Variants in TLE4 observed in about 807,000 individuals in gnomAD.
TLE4 encodes the protein TLE family member 4, transcriptional corepressor.
A neutral mutation model predicts 92.8 loss-of-function variants in TLE4; 8 were observed. The ratio of observed to expected loss-of-function variants is 0.09; its 90% confidence interval spans 0.05 to 0.16. The LOEUF (loss-of-function observed/expected upper bound fraction) is 0.16. Among genes scored for constraint, TLE4 ranks in the 10% least tolerant of loss-of-function variants. The pLI, the probability that TLE4 is intolerant of heterozygous loss-of-function variation, is 1.00. For synonymous variants in TLE4, 371 were observed against 374.1 expected (o/e 0.99, Z 0.10); for missense variants, 675 against 997.6 (o/e 0.68, Z 4.36).
intron 14 of TLE4, among the ~76,000 whole-genome samples, chr9:79,710,173 A>G (rs1436307763): frequency 6.6e-6 from 1 of 152,204 alleles, no homozygotes; most frequent in Non-Finnish European, 1.5e-5. Flanking sequence ...CTCTGTATTC[A>G]CAGATTCCTT....
intron 4 of TLE4, among the ~76,000 whole-genome samples, chr9:79,611,262 G>A (rs2048311550): frequency 6.6e-6 from 1 of 152,076 alleles, no homozygotes; most frequent in South Asian, 2.1e-4. Flanking sequence ...TGGGGCCAGT[G>A]CAGTAAATTA....
chr9:79,626,805 A>T (rs888428512), intron 5 of TLE4, among the ~76,000 whole-genome samples: 3 of 152,090 alleles, frequency 2.0e-5, no homozygotes, highest in African/African-American at 7.2e-5. Context: ...CTTAAACTTG[A>T]GTTCTATGTT....
chr9:79,665,940 T>C (rs184655707), intron 8 of TLE4, among the ~76,000 whole-genome samples: 1 of 152,366 alleles, frequency 6.6e-6, no homozygotes, highest in Admixed American at 6.5e-5. Context: ...CACGGATTAT[T>C]AGAGACCTTT....
chr9:79,710,400 C>A (rs1442462435), intron 14 of TLE4, among the ~76,000 whole-genome samples: 1 of 152,230 alleles, frequency 6.6e-6, no homozygotes, highest in Non-Finnish European at 1.5e-5. Flanking sequence ...TCTCTCGCTT[C>A]TCCTTTGGGA....
chr9:79,701,954 A>G (rs1193141607), intron 8 of TLE4, among the ~76,000 whole-genome samples: 3 of 152,228 alleles, frequency 2.0e-5, no homozygotes, highest in African/African-American at 7.2e-5. Context: ...ACAAAATGTT[A>G]AGGGAACAAA....
intron 4 of TLE4, among the ~76,000 whole-genome samples, chr9:79,602,298 G>C (rs2045841878): frequency 6.6e-6 from 1 of 152,254 alleles, no homozygotes; most frequent in Non-Finnish European, 1.5e-5. Flanking sequence ...CAGATTTGCA[G>C]TGTGGATAAG....
At chr9:79,693,379 G>A (rs2067490122) in intron 8 of TLE4, among the ~76,000 whole-genome samples, 1 of 152,148 alleles carries the variant, frequency 6.6e-6, no homozygotes, top group Non-Finnish European at 1.5e-5. Context: ...AGTGGAGGAA[G>A]GTCAGTGGGT....
chr9:79,599,641 A>G (rs1171690417), intron 4 of TLE4, among the ~76,000 whole-genome samples: 1 of 152,260 alleles, frequency 6.6e-6, no homozygotes, highest in Admixed American at 6.5e-5. Flanking sequence ...AAAGGCTCTA[A>G]GATACCCAAC....
At chr9:79,676,807 G>A (rs12342156) in intron 8 of TLE4, among the ~76,000 whole-genome samples, 3,151 of 152,114 alleles carry the variant, frequency 0.021, 124 homozygotes, top group African/African-American at 0.072. Context: ...ATATTTAATA[G>A]CAGAGCTTTA....
chr9:79,694,119 G>A (rs573506751), intron 8 of TLE4, among the ~76,000 whole-genome samples: 2 of 152,278 alleles, frequency 1.3e-5, no homozygotes, highest in South Asian at 2.1e-4. Flanking sequence ...GGGCAAGGGC[G>A]GAGGGGGGAG....
At position 79,671,995 on chromosome 9, in the gene TLE4, C is replaced by CTTT. The variant is rs773064446; in HGVS notation, c.609+17947_609+17949dup. Among the ~76,000 whole-genome samples the CTTT allele has an allele frequency of 2.1e-4, 7 of 33,716 alleles. 2 individuals are homozygous for CTTT. The highest frequency in any genetic ancestry group is 6.6e-4 in the African/African-American group (5 of 7,614). The allele number at this position is 33,716 out of a possible 152,430, so 22.1% of individuals were successfully genotyped here. ...CTTTTTAGGCCATTGAAACAAAACA[C>CTTT]TTTTTTTTTTTTTTTTTTTTTTTTT... On this transcript the variant is annotated intron_variant, in intron 8 of 19. Transcript: ENST00000376552.
chr9:79,575,353 TA>T (rs1396302306), intron 3 of TLE4, among the ~76,000 whole-genome samples: 2 of 152,324 alleles, frequency 1.3e-5, no homozygotes, highest in East Asian at 1.9e-4. Context: ...AAGACATTAT[TA>T]AAAAATAATG....
intron 7 of TLE4, chr9:79,653,039 G>C (rs2059265607): frequency 3.6e-6 from 2 of 548,766 alleles, no homozygotes; most frequent in Admixed American, 2.3e-5. Flanking sequence ...TTGATTTCTT[G>C]CTACCTTCTA....
chr9:79,644,903 T>C (rs1197345401), intron 6 of TLE4, among the ~76,000 whole-genome samples: 1 of 152,170 alleles, frequency 6.6e-6, no homozygotes, highest in African/African-American at 2.4e-5. Flanking sequence ...ATGAGTAGTA[T>C]GGTTGTGGGC....
At chr9:79,641,364 C>T (rs991431815) in intron 6 of TLE4, among the ~76,000 whole-genome samples, 3 of 152,088 alleles carry the variant, frequency 2.0e-5, no homozygotes, top group African/African-American at 7.2e-5. Context: ...AGTTAAAGAG[C>T]AACTAAAAGT....
At chr9:79,634,614 C>T (rs2133777594) in intron 6 of TLE4, among the ~76,000 whole-genome samples, 1 of 152,240 alleles carries the variant, frequency 6.6e-6, no homozygotes, top group Non-Finnish European at 1.5e-5. Flanking sequence ...AGGATAGTTC[C>T]CTCCACCCCA....
rs551701339 is a variant in TLE4 at position 79,672,473 on chromosome 9, C to G, written c.609+18398C>G. ...ATCTGTTTTTCTACATGTTTTCTAC[C>G]TCTGGATGTATAGAGTCAGCTTCCT... On this transcript the variant is annotated intron_variant, in intron 8 of 19. Transcript: ENST00000376552. 7.2e-5 allele frequency among the ~76,000 whole-genome samples: 11 copies of G among 152,214 alleles called. No homozygotes were observed. The South Asian group carries it at 2.1e-3, about 29-fold the overall frequency.
intron 8 of TLE4, among the ~76,000 whole-genome samples, chr9:79,656,166 A>G (rs963663123): frequency 6.6e-6 from 1 of 151,976 alleles, no homozygotes; most frequent in Non-Finnish European, 1.5e-5. Flanking sequence ...TAGTTTGCTT[A>G]TTTTTCTGAA....
chr9:79,590,473 G>A (rs997860281), intron 4 of TLE4, among the ~76,000 whole-genome samples: 1 of 152,236 alleles, frequency 6.6e-6, no homozygotes, highest in African/African-American at 2.4e-5. Context: ...TTTCAGAGGT[G>A]TCAGATTTAG....
Sources: gnomAD v4.1 joint callset for allele counts (sites outside exome capture counted in the v4.1 genomes callset) on GRCh38, gnomAD v4.1.1 for gene constraint, MANE v1.5 for transcripts, NCBI Gene and HGNC (gene_info 2026-07-23, HGNC 2026-07-21) for gene names.